MRPL42: variants seen among roughly 807,000 people sequenced by gnomAD.
MRPL42 encodes large ribosomal subunit protein mL42.
In MRPL42, 17 loss-of-function variants were observed where a neutral mutation model predicts 17.9. The ratio of observed to expected loss-of-function variants is 0.95; its 90% CI spans 0.65 to 1.42. The LOEUF (loss-of-function observed/expected upper bound fraction) is 1.42. MRPL42 is among the 40% of genes most tolerant of loss of function. The pLI is 0.00. For missense variants in MRPL42, 177 were observed against 175.2 expected (o/e 1.01, Z -0.06); for synonymous variants, 59 against 54.4 (o/e 1.08, Z -0.37).
In MRPL42 at chr12:93,477,731, T is replaced by C. The variant is rs923394747; in HGVS notation, c.134+714T>C. On this transcript the variant is annotated intron_variant, in intron 3 of 5. Coordinates refer to ENST00000549982, the MANE Select transcript of MRPL42 (RefSeq NM_014050.4). ...AGGCTGGAGAGCAGTGGTGTGATCTTGGCTCACTGCAACCTCCACCTCCTG... is the reference window on the plus strand; with the variant it reads ...AGGCTGGAGAGCAGTGGTGTGATCTCGGCTCACTGCAACCTCCACCTCCTG... Among the ~76,000 whole-genome samples, 6 of 151,414 alleles carry C rather than the reference T, an allele frequency of 4.0e-5. No individual in the cohort carries two copies. The East Asian group carries it at 1.2e-3, about 30-fold the overall frequency.
intron 5 of MRPL42, among the ~76,000 whole-genome samples, chr12:93,491,278 A>G (rs1305532474): frequency 6.6e-6 from 1 of 152,244 alleles, no homozygotes; most frequent in Non-Finnish European, 1.5e-5. Context: ...TGTGTTCTCC[A>G]TAGGGAATTG....
chr12:93,475,845 G>T (rs372004512), intron 2 of MRPL42, among the ~76,000 whole-genome samples: 2 of 152,026 alleles, frequency 1.3e-5, no homozygotes, highest in South Asian at 4.2e-4. Flanking sequence ...TTAGCCAGGC[G>T]TGGTGGGGGC....
chr12:93,478,875 T>G (rs1352150275), intron 3 of MRPL42, among the ~76,000 whole-genome samples: 1 of 152,076 alleles, frequency 6.6e-6, no homozygotes, highest in African/African-American at 2.4e-5. Flanking sequence ...AATCCAGTGA[T>G]GTAGTATCTT....
rs1167384181 is a variant in MRPL42 at position 93,515,346 on chromosome 12, AAATT to A, written c.*14129_*14132del. The stretch of plus-strand genomic sequence containing the variant: ...AATGCCAGAGATACATAGGAAGTAA[AAATT>A]AATAGGCCTTGGCAACTATTTTTTT... On this transcript the variant is annotated 3_prime_UTR_variant, in exon 6 of 6. Coordinates refer to ENST00000549982, the MANE Select transcript of MRPL42 (RefSeq NM_014050.4). 1 of 148,756 alleles carries A rather than the reference AAATT, an allele frequency of 6.7e-6. No individual in the cohort carries two copies. Among genetic ancestry groups the A allele is most frequent in the African/African-American group, 2.5e-5 (1 of 40,422 alleles). 9.2% of individuals were successfully genotyped at this position (148,756 alleles called of 1,614,324 possible). A position where few individuals can be genotyped will look rare whatever the true frequency, so the allele number is the denominator to read the frequency against.
At chr12:93,480,379 C>T (rs1017044041) in intron 4 of MRPL42, among the ~76,000 whole-genome samples, 1 of 151,914 alleles carries the variant, frequency 6.6e-6, no homozygotes, top group East Asian at 1.9e-4. Flanking sequence ...CCTCGGCCTC[C>T]CAAAGCGCTG....
chr12:93,506,911 G>A lies in MRPL42; in HGVS notation c.*5690G>A, dbSNP rs1290281220. 1 of 152,184 alleles carries A rather than the reference G, an allele frequency of 6.6e-6. No individual in the cohort carries two copies. Among genetic ancestry groups the A allele is most frequent in the Non-Finnish European group, 1.5e-5 (1 of 68,034 alleles). 9.4% of individuals were successfully genotyped at this position (152,184 alleles called of 1,614,324 possible). On this transcript the variant is annotated 3_prime_UTR_variant, in exon 6 of 6. Coordinates refer to ENST00000549982, the MANE Select transcript of MRPL42 (RefSeq NM_014050.4). The stretch of plus-strand genomic sequence containing the variant: ...GTGTAATTACCATAAGAGCATAGAA[G>A]ATAGAATCGTAAAGCTGAAAGACAT...
At chr12:93,470,009 T>C (rs1169299370) in intron 2 of MRPL42, among the ~76,000 whole-genome samples, 2 of 151,864 alleles carry the variant, frequency 1.3e-5, no homozygotes, top group African/African-American at 4.8e-5. Flanking sequence ...AGTCTGGCTC[T>C]GTCGCCCAGG....
intron 2 of MRPL42, chr12:93,470,384 G>A: frequency 1.9e-6 from 2 of 1,056,822 alleles, no homozygotes. Context: ...CTTATAGGAA[G>A]CTTTCCATTT....
At position 93,501,485 on chromosome 12, in the gene MRPL42, C is replaced by A. The variant is rs1953594569; in HGVS notation, c.*264C>A. The A allele has an allele frequency of 4.0e-6, 1 of 252,544 alleles. No homozygotes were observed. Among genetic ancestry groups the A allele is most frequent in the South Asian group, 1.5e-4 (1 of 6,678 alleles). The allele number at this position is 252,544 out of a possible 1,614,324, so 15.6% of individuals were successfully genotyped here. The stretch of plus-strand genomic sequence containing the variant: ...ACTTTTCCATAGTGCCAAAGCCATA[C>A]ATATTCAGTAGAACATCAATAAATT... On this transcript the variant is annotated 3_prime_UTR_variant, in exon 6 of 6. Coordinates refer to ENST00000549982, the MANE Select transcript of MRPL42 (RefSeq NM_014050.4).
chr12:93,497,693 A>G (rs1054699192), intron 5 of MRPL42, among the ~76,000 whole-genome samples: 11 of 150,640 alleles, frequency 7.3e-5, no homozygotes, highest in Non-Finnish European at 1.3e-4. Context: ...CACTCACACT[A>G]CTCCTATTCA....
At position 93,515,839 on chromosome 12, in the gene MRPL42, TAATA is replaced by T. The variant is rs1209668550; in HGVS notation, c.*14621_*14624del. 4 of 152,018 alleles carry T rather than the reference TAATA, an allele frequency of 2.6e-5. No individual in the cohort carries two copies. The highest frequency in any genetic ancestry group is 9.7e-5 in the African/African-American group (4 of 41,290). The allele number at this position is 152,018 out of a possible 1,614,324, so 9.4% of individuals were successfully genotyped here. A position where few individuals can be genotyped will look rare whatever the true frequency, so the allele number is the denominator to read the frequency against. On this transcript the variant is annotated 3_prime_UTR_variant, in exon 6 of 6. Coordinates refer to ENST00000549982, the MANE Select transcript of MRPL42 (RefSeq NM_014050.4). Reference sequence around the variant, plus strand: ...ATTAAACAAGATGACTCTGAAACCTTAATAAAGTGAGAAAAAACAAGTCCACTTT... The same window carrying T: ...ATTAAACAAGATGACTCTGAAACCTTAAGTGAGAAAAAACAAGTCCACTTT...
intron 4 of MRPL42, among the ~76,000 whole-genome samples, chr12:93,485,695 A>G (rs1565814229): frequency 6.6e-6 from 1 of 152,156 alleles, no homozygotes; most frequent in Non-Finnish European, 1.5e-5. Flanking sequence ...TGTTACTTTC[A>G]TTATGATAGC....
At chr12:93,489,874 A>C (rs1953382335) in intron 5 of MRPL42, among the ~76,000 whole-genome samples, 1 of 152,152 alleles carries the variant, frequency 6.6e-6, no homozygotes, top group African/African-American at 2.4e-5. Flanking sequence ...TATGCATGCT[A>C]TCTGGATTTT....
intron 2 of MRPL42, among the ~76,000 whole-genome samples, chr12:93,472,646 G>A (rs1879966894): frequency 6.6e-6 from 1 of 152,094 alleles, no homozygotes; most frequent in Non-Finnish European, 1.5e-5. Flanking sequence ...AAAAAGGGAA[G>A]GACAGTAAGA....
chr12:93,469,082 G>A (rs1464820221), intron 1 of MRPL42, 110 bp from the exon 2 acceptor site: 2 of 492,790 alleles, frequency 4.1e-6, no homozygotes, highest in Admixed American at 7.9e-5. Flanking sequence ...TTGTTTAAAA[G>A]CATTGCTTCA....
intron 1 of MRPL42, among the ~76,000 whole-genome samples, chr12:93,467,806 T>A (rs1415370689): frequency 6.6e-6 from 1 of 152,186 alleles, no homozygotes; most frequent in African/African-American, 2.4e-5. Context: ...CTCCTTTAGG[T>A]CGAAGAGTTC....
At chr12:93,488,010 AC>A (rs916116863) in intron 5 of MRPL42, 4 of 259,388 alleles carry the variant, frequency 1.5e-5, no homozygotes, top group African/African-American at 9.0e-5. Context: ...TTGCTCTGTC[AC>A]CCAGGCTGGA....
intron 5 of MRPL42, chr12:93,488,494 A>G (rs1274791926): frequency 4.2e-5 from 16 of 377,464 alleles, no homozygotes; most frequent in Non-Finnish European, 7.5e-5. Context: ...GAATTTTGTA[A>G]GAGTTCTTGA....
At chr12:93,488,866 T>C (rs566174716) in intron 5 of MRPL42, among the ~76,000 whole-genome samples, 23 of 151,996 alleles carry the variant, frequency 1.5e-4, no homozygotes, top group Non-Finnish European at 2.8e-4. Flanking sequence ...TTTCTTTTTT[T>C]TTTTTGTGAG....
Sources: gnomAD v4.1 joint callset for allele counts (sites outside exome capture counted in the v4.1 genomes callset) on GRCh38, gnomAD v4.1.1 for gene constraint, MANE v1.5 for transcripts, NCBI Gene and HGNC (gene_info 2026-07-23, HGNC 2026-07-21) for gene names.